CXADR: variants seen among roughly 807,000 people sequenced by gnomAD.
The protein encoded by CXADR is CXADR cell adhesion molecule.
CXADR carries 20 observed loss-of-function variants against 40.3 expected under a neutral mutation model. That is an observed-to-expected ratio of 0.50 (90% CI 0.35 to 0.72). The LOEUF is 0.72. Among genes scored for constraint, CXADR ranks in the 30% least tolerant of loss-of-function variants. CXADR has a pLI of 0.01. For synonymous variants in CXADR, 150 were observed against 161.3 expected (o/e 0.93, Z 0.53); for missense variants, 332 against 449.1 (o/e 0.74, Z 2.36).
chr21:17,630,096 C>T, the CXADR span, among the ~76,000 whole-genome samples: 6 of 151,784 alleles, frequency 4.0e-5, no homozygotes, highest in African/African-American at 1.2e-4. Context: ...TCAAGGCTAC[C>T]CAAAAATATA....
At chr21:17,578,712 C>G (rs1199557867) in intron 7 of CXADR, among the ~76,000 whole-genome samples, 1 of 152,086 alleles carries the variant, frequency 6.6e-6, no homozygotes, top group Non-Finnish European at 1.5e-5. Context: ...GCCTGTTGTC[C>G]CAGCTACTCA....
intron 1 of CXADR, among the ~76,000 whole-genome samples, chr21:17,522,770 G>T (rs912410415): frequency 6.6e-6 from 1 of 152,014 alleles, no homozygotes; most frequent in African/African-American, 2.4e-5. Flanking sequence ...CAGTTTATGG[G>T]TGCAGTTACT....
At chr21:17,599,868 A>G in the CXADR span, among the ~76,000 whole-genome samples, 2 of 152,192 alleles carry the variant, frequency 1.3e-5, no homozygotes, top group Non-Finnish European at 2.9e-5. Context: ...TTTAACCCCA[A>G]TTAAATAAAA....
chr21:17,519,605 C>A (rs1370285475), intron 1 of CXADR, among the ~76,000 whole-genome samples: 1 of 152,152 alleles, frequency 6.6e-6, no homozygotes, highest in East Asian at 1.9e-4. Context: ...ACCCTGTTGA[C>A]CTGCGCTTTA....
intron 2 of CXADR, among the ~76,000 whole-genome samples, chr21:17,548,603 C>T (rs773691884): frequency 1.1e-4 from 17 of 151,848 alleles, no homozygotes; most frequent in Non-Finnish European, 2.4e-4. Flanking sequence ...GAGCCCAGGA[C>T]TCTGATCCTG....
intron 1 of CXADR, among the ~76,000 whole-genome samples, chr21:17,545,493 C>T (rs2123239127): frequency 6.6e-6 from 1 of 151,944 alleles, no homozygotes; most frequent in African/African-American, 2.4e-5. Flanking sequence ...GTGGCACGAT[C>T]TTGGCTCACT....
chr21:17,561,205 G>A (rs181905814), intron 5 of CXADR, 133 bp from the exon 6 acceptor site: 9 of 567,680 alleles, frequency 1.6e-5, no homozygotes, highest in East Asian at 1.3e-4. Flanking sequence ...TTTTTCCCCC[G>A]GATCAAAAAG....
chr21:17,531,646 C>G (rs1360083037), intron 1 of CXADR, among the ~76,000 whole-genome samples: 2 of 152,128 alleles, frequency 1.3e-5, no homozygotes, highest in Non-Finnish European at 2.9e-5. Flanking sequence ...TGTTCAGCCT[C>G]TTGTATTTTA....
At chr21:17,600,128 G>A in the CXADR span, among the ~76,000 whole-genome samples, 1 of 151,770 alleles carries the variant, frequency 6.6e-6, no homozygotes, top group Non-Finnish European at 1.5e-5. Context: ...TGTAACATAT[G>A]CTGCTGGTTA....
At chr21:17,578,781 C>T (rs1297371984) in intron 7 of CXADR, among the ~76,000 whole-genome samples, 1 of 152,142 alleles carries the variant, frequency 6.6e-6, no homozygotes. Context: ...ATGATAGCGC[C>T]ACTGCACTCC....
At chr21:17,543,487 A>C (rs1017897742) in intron 1 of CXADR, among the ~76,000 whole-genome samples, 4 of 152,218 alleles carry the variant, frequency 2.6e-5, no homozygotes, top group Non-Finnish European at 5.9e-5. Context: ...AAAAACACAC[A>C]GTAACCCGGA....
chr21:17,515,616 C>T (rs1042247957), intron 1 of CXADR, among the ~76,000 whole-genome samples: 4 of 152,182 alleles, frequency 2.6e-5, no homozygotes, highest in African/African-American at 7.2e-5. Flanking sequence ...TCGAGACCAT[C>T]CTGGCTAACA....
At chr21:17,513,701 C>T (rs927097619) in intron 1 of CXADR, among the ~76,000 whole-genome samples, 3 of 152,342 alleles carry the variant, frequency 2.0e-5, no homozygotes, top group African/African-American at 7.2e-5. Flanking sequence ...GAAAGAGGCG[C>T]TGAGCGAACG....
At chr21:17,602,033 G>A in the CXADR span, among the ~76,000 whole-genome samples, 15 of 151,846 alleles carry the variant, frequency 9.9e-5, no homozygotes, top group African/African-American at 3.6e-4. Context: ...TAGACACCTG[G>A]ACAACTTTTA....
chr21:17,561,021 A>G (rs1259744401), intron 5 of CXADR, among the ~76,000 whole-genome samples, 197 bp downstream of exon 5: 2 of 152,246 alleles, frequency 1.3e-5, no homozygotes, highest in East Asian at 3.8e-4. Context: ...TTAAGAAGGT[A>G]AGAGTTGTCA....
chr21:17,598,571 G>C, downstream of CXADR: 2 of 1,532,416 alleles, frequency 1.3e-6, no homozygotes, highest in Middle Eastern at 3.4e-4. Context: ...AAAGGTCCTG[G>C]CAATCCCTGC....
At chr21:17,513,472 T>A (rs370300100) in intron 1 of CXADR, among the ~76,000 whole-genome samples, 179 of 152,304 alleles carry the variant, frequency 1.2e-3, no homozygotes, top group African/African-American at 3.9e-3. Context: ...AGCTCTCCCA[T>A]AGCATTCTCT....
chr21:17,603,360 T>C, the CXADR span, among the ~76,000 whole-genome samples: 2 of 152,158 alleles, frequency 1.3e-5, no homozygotes, highest in Admixed American at 1.3e-4. Context: ...GAAAGAAGTA[T>C]TGGAGAATGT....
At position 17,540,407 on chromosome 21, in the gene CXADR, AT is replaced by A. The variant is rs199866118; in HGVS notation, c.44-6618del. On this transcript the variant is annotated intron_variant, in intron 1 of 6. Coordinates refer to ENST00000284878, the MANE Select transcript of CXADR (RefSeq NM_001338.5). ...TTGAAAGACCTAATTTCATTCGATG[AT>A]TGTATTTGCTGTTGGGTGAATGGAA... Among the ~76,000 whole-genome samples the A allele has an allele frequency of 3.1e-3, 474 of 152,210 alleles. 7 individuals are homozygous for A. Among genetic ancestry groups the A allele is most frequent in the Admixed American group, 0.029 (443 of 15,284 alleles).
Sources: allele counts gnomAD v4.1 joint callset (sites outside exome capture counted in the v4.1 genomes callset), GRCh38; gene constraint gnomAD v4.1.1; transcripts MANE v1.5; gene names NCBI Gene and HGNC (gene_info 2026-07-23, HGNC 2026-07-21).